REC114: variants seen among roughly 807,000 people sequenced by gnomAD.
REC114 encodes REC114 meiotic recombination protein, also known as meiotic recombination protein REC114.
REC114 carries 27 observed loss-of-function variants against 31.3 expected under a neutral mutation model. That is an observed-to-expected ratio of 0.86 (90% CI 0.64 to 1.19). REC114 has a LOEUF of 1.19. Among genes scored for constraint, REC114 ranks in the 50% most tolerant of loss-of-function variants. REC114 has a pLI of 0.00. For synonymous variants in REC114, 134 were observed against 127.7 expected (o/e 1.05, Z -0.33); for missense variants, 344 against 326.9 (o/e 1.05, Z -0.40).
chr15:73,443,390 A>T, intron 1 of REC114, 46 bp downstream of exon 1: 1 of 1,519,484 alleles, frequency 6.6e-7, no homozygotes, highest in Non-Finnish European at 8.8e-7. Flanking sequence ...CACAGCCCTC[A>T]GGAGGGGAGG....
At chr15:73,462,868 G>A (rs1006851538) in intron 1 of REC114, among the ~76,000 whole-genome samples, 1 of 121,686 alleles carries the variant, frequency 8.2e-6, no homozygotes, top group Non-Finnish European at 1.6e-5. Context: ...CTGGGCAACA[G>A]AGTGAGACTC....
At chr15:73,506,139 G>A (rs1458711468) in intron 2 of REC114, among the ~76,000 whole-genome samples, 1 of 151,988 alleles carries the variant, frequency 6.6e-6, no homozygotes, top group Non-Finnish European at 1.5e-5. Flanking sequence ...TATGGAATAG[G>A]CTCCATAAAT....
At chr15:73,510,786 A>T (rs1893752944) in intron 2 of REC114, among the ~76,000 whole-genome samples, 1 of 148,726 alleles carries the variant, frequency 6.7e-6, no homozygotes, top group Non-Finnish European at 1.5e-5. Context: ...CATCCCAGGG[A>T]TGAAGCCCAC....
intron 2 of REC114, among the ~76,000 whole-genome samples, chr15:73,485,773 C>T (rs1421854487): frequency 2.6e-5 from 4 of 152,118 alleles, no homozygotes; most frequent in African/African-American, 7.2e-5. Flanking sequence ...TATAAATTAC[C>T]CAGTCTCAGA....
intron 2 of REC114, among the ~76,000 whole-genome samples, chr15:73,529,481 A>T (rs1024866111): frequency 1.9e-4 from 29 of 152,146 alleles, no homozygotes; most frequent in Non-Finnish European, 1.0e-4. Flanking sequence ...ATATACAGAT[A>T]CTTGGATTTG....
chr15:73,468,812 G>A (rs887400516), intron 1 of REC114, among the ~76,000 whole-genome samples: 7 of 151,760 alleles, frequency 4.6e-5, no homozygotes, highest in African/African-American at 1.7e-4. Flanking sequence ...CTCATATTGA[G>A]GTGATCATAT....
chr15:73,501,694 C>T (rs1893606173), intron 2 of REC114, among the ~76,000 whole-genome samples: 1 of 152,194 alleles, frequency 6.6e-6, no homozygotes, highest in Admixed American at 6.5e-5. Flanking sequence ...ATCCACTCAC[C>T]TCAGTCTCCC....
At chr15:73,511,446 A>G (rs1241974500) in intron 2 of REC114, among the ~76,000 whole-genome samples, 1 of 151,434 alleles carries the variant, frequency 6.6e-6, no homozygotes, top group Non-Finnish European at 1.5e-5. Context: ...TATTTCCTTC[A>G]GTTCTGCTCT....
chr15:73,512,146 TA>T (rs1893780781), intron 2 of REC114, among the ~76,000 whole-genome samples: 1 of 140,488 alleles, frequency 7.1e-6, no homozygotes, highest in South Asian at 2.2e-4. Flanking sequence ...GGTGCATATA[TA>T]TTTAGGATAG....
intron 2 of REC114, among the ~76,000 whole-genome samples, chr15:73,528,331 C>T (rs1894033108): frequency 6.6e-6 from 1 of 152,002 alleles, no homozygotes; most frequent in South Asian, 2.1e-4. Context: ...CTGCTAATAT[C>T]ACAAAAAGAA....
chr15:73,488,048 C>G (rs1009205231), intron 2 of REC114, among the ~76,000 whole-genome samples: 5 of 152,144 alleles, frequency 3.3e-5, no homozygotes, highest in Admixed American at 6.5e-5. Flanking sequence ...TTGGGCCCAC[C>G]TTAGTCACAG....
intron 5 of REC114, 43 bp from the exon 6 acceptor site, chr15:73,559,709 C>T (rs769675068): frequency 9.4e-6 from 14 of 1,489,922 alleles, no homozygotes; most frequent in Non-Finnish European, 1.1e-5. Flanking sequence ...CCAGGTATTG[C>T]TTTTACCTGT....
chr15:73,525,589 G>T (rs1893994690), intron 2 of REC114, among the ~76,000 whole-genome samples: 1 of 151,212 alleles, frequency 6.6e-6, no homozygotes, highest in African/African-American at 2.4e-5. Context: ...TTACCCATGG[G>T]TAATTTCACA....
rs200297290 is a variant in REC114, at chr15:73,556,335, G to A, written c.580G>A (p.Val194Ile). 4.3e-6 allele frequency: 7 copies of A among 1,613,826 alleles called. No individual in the cohort carries two copies. Among genetic ancestry groups the A allele is most frequent in the Non-Finnish European group, 5.9e-6 (7 of 1,179,770 alleles). Reference protein sequence around the residue: ...HQHSEQQQVCVTAGTGAPDGR... With the variant: ...HQHSEQQQVCITAGTGAPDGR... ...GCACTCAGAACAACAGCAAGTGTGTGTAACAGCGGGCACAGGCGCTCCAGA... is the reference window on the plus strand; with the variant it reads ...GCACTCAGAACAACAGCAAGTGTGTATAACAGCGGGCACAGGCGCTCCAGA... The change falls in exon 5 of 6, where the codon GTA becomes ATA. Residue 194 changes from valine to isoleucine, a missense_variant. Coordinates refer to ENST00000331090, the MANE Select transcript of REC114 (RefSeq NM_001042367.2).
chr15:73,556,668 T>C (rs1894472889), intron 5 of REC114, among the ~76,000 whole-genome samples: 2 of 152,136 alleles, frequency 1.3e-5, no homozygotes, highest in Non-Finnish European at 2.9e-5. Context: ...ATGTCCAATA[T>C]AGAAAATTTA....
intron 2 of REC114, among the ~76,000 whole-genome samples, chr15:73,508,909 G>A (rs1333456679): frequency 6.6e-6 from 1 of 150,890 alleles, no homozygotes; most frequent in Non-Finnish European, 1.5e-5. Flanking sequence ...AAACATACGT[G>A]TGCATGTGTC....
chr15:73,530,594 G>A (rs1894065110), intron 2 of REC114, among the ~76,000 whole-genome samples: 1 of 152,220 alleles, frequency 6.6e-6, no homozygotes, highest in Non-Finnish European at 1.5e-5. Context: ...GCTGCAGTGA[G>A]TTATCATCGT....
chr15:73,556,604 GCA>G (rs924962238), intron 5 of REC114, among the ~76,000 whole-genome samples: 12 of 152,146 alleles, frequency 7.9e-5, no homozygotes, highest in African/African-American at 2.7e-4. Context: ...ATGGCTGCAG[GCA>G]CATAGTCAAG....
At chr15:73,549,638 CAT>C (rs1367957294) in intron 3 of REC114, among the ~76,000 whole-genome samples, 1 of 152,108 alleles carries the variant, frequency 6.6e-6, no homozygotes, top group Non-Finnish European at 1.5e-5. Context: ...ATTAAATATA[CAT>C]GAGTGTTTGT....
Sources: gnomAD v4.1 joint callset for allele counts (sites outside exome capture counted in the v4.1 genomes callset) on GRCh38, gnomAD v4.1.1 for gene constraint, MANE v1.5 for transcripts, NCBI Gene and HGNC (gene_info 2026-07-23, HGNC 2026-07-21) for gene names.